Variants in PRG3 observed in about 807,000 individuals in gnomAD.
PRG3 encodes the protein proteoglycan 3.
In PRG3, 25 loss-of-function variants were observed where a neutral mutation model predicts 26.1. The ratio of observed to expected loss-of-function variants is 0.96; its 90% CI spans 0.70 to 1.34. The LOEUF is 1.34. Among genes scored for constraint, PRG3 ranks in the 40% most tolerant of loss-of-function variants. The pLI, the probability that PRG3 is intolerant of heterozygous loss-of-function variation, is 0.00. For synonymous variants in PRG3, 111 were observed against 100.4 expected (o/e 1.11, Z -0.63); for missense variants, 280 against 264.8 (o/e 1.06, Z -0.40).
At chr11:57,379,852 T>C (rs776340562) in intron 2 of PRG3, 45 bp from the exon 3 acceptor site, 2 of 1,533,024 alleles carry the variant, frequency 1.3e-6, no homozygotes, top group South Asian at 2.5e-5. Flanking sequence ...AGCTTCCTAG[T>C]TCCAGCACCG....
Position 57,376,776 on chromosome 11 carries a change from G to A in PRG3, c.*74C>T. The A allele has an allele frequency of 2.7e-6, 4 of 1,484,364 alleles. No individual in the cohort carries two copies. In the South Asian group the frequency reaches 3.4e-5, roughly 13 times the overall value. The allele number at this position is 1,484,364 out of a possible 1,614,324, so 91.9% of individuals were successfully genotyped here. The stretch of plus-strand genomic sequence containing the variant: ...GAAACGAGAGTCAGGAAATGCTGTG[G>A]GAAGTCTGGATTTATGAGCAGGAGA... On this transcript the variant is annotated 3_prime_UTR_variant, in exon 6 of 6. Coordinates refer to ENST00000287143, the MANE Select transcript of PRG3 (RefSeq NM_006093.4).
rs773395684 is a variant in PRG3, at chr11:57,379,629, C to T, written c.240G>A (p.Glu80=). 1.2e-6 allele frequency: 2 copies of T among 1,613,984 alleles called. No individual in the cohort carries two copies. The highest frequency in any genetic ancestry group is 2.2e-5 in the South Asian group (2 of 91,078). The change falls in exon 3 of 6, where the codon GAG becomes GAA. Residue 80 remains glutamate, a synonymous_variant. Transcript: ENST00000287143. The part of the protein sequence containing the change: ...QDNFEDEEAM[E]SDPAALDKDF... ...CCTTGTCTAAGGCAGCTGGGTCCGA[C>T]TCCATGGCTTCCTCATCCTCAAAGT...
chr11:57,377,356 G>C (rs1382616674), intron 5 of PRG3, among the ~76,000 whole-genome samples: 1 of 152,082 alleles, frequency 6.6e-6, no homozygotes, highest in Non-Finnish European at 1.5e-5. Flanking sequence ...TGTTGGAGGT[G>C]GGCATCTTGT....
chr11:57,380,135 C>T (rs1856984359), intron 2 of PRG3, among the ~76,000 whole-genome samples: 1 of 152,188 alleles, frequency 6.6e-6, no homozygotes, highest in Non-Finnish European at 1.5e-5. Context: ...GGTGCGGTGG[C>T]TCACGCCTGT....
chr11:57,378,932 T>C, intron 3 of PRG3, 120 bp from the exon 4 acceptor site: 1 of 1,139,808 alleles, frequency 8.8e-7, no homozygotes, highest in Non-Finnish European at 1.3e-6. Flanking sequence ...CCCTTAATCC[T>C]ATCTTTTGCT....
intron 5 of PRG3, 151 bp downstream of exon 5, chr11:57,377,574 A>G (rs1374465282): frequency 1.6e-6 from 1 of 632,844 alleles, no homozygotes; most frequent in Non-Finnish European, 2.7e-6. Context: ...AGGATTCCCT[A>G]TGTCTCAGCC....
At chr11:57,379,456 T>TC (rs1856976095) in intron 3 of PRG3, 38 bp downstream of exon 3, 2 of 1,531,392 alleles carry the variant, frequency 1.3e-6, no homozygotes, top group South Asian at 2.5e-5. Flanking sequence ...TACTCTCTTT[T>TC]CCCCCAGGTC....
chr11:57,376,811 A>T lies in PRG3; in HGVS notation c.*39T>A, dbSNP rs750133745. 5 of 1,603,026 alleles carry T rather than the reference A, an allele frequency of 3.1e-6. No individual in the cohort carries two copies. Among genetic ancestry groups the T allele is most frequent in the Admixed American group, 3.3e-5 (2 of 59,960 alleles). On this transcript the variant is annotated 3_prime_UTR_variant, in exon 6 of 6. Coordinates refer to ENST00000287143, the MANE Select transcript of PRG3 (RefSeq NM_006093.4). ...ATTTATGAGCAGGAGAGGTTGGGGG[A>T]CGGGAGGGAGCTGCTGGCAGGGTCT...
At chr11:57,379,386 G>T in intron 3 of PRG3, 108 bp downstream of exon 3, 1 of 1,123,770 alleles carries the variant, frequency 8.9e-7, no homozygotes, top group Non-Finnish European at 1.3e-6. Context: ...AGGTGATTCT[G>T]ATGCATGCGA....
In PRG3 at chr11:57,376,811, A is replaced by G. The variant is rs750133745; in HGVS notation, c.*39T>C. On this transcript the variant is annotated 3_prime_UTR_variant, in exon 6 of 6. Transcript: ENST00000287143. ...ATTTATGAGCAGGAGAGGTTGGGGG[A>G]CGGGAGGGAGCTGCTGGCAGGGTCT... The G allele has an allele frequency of 6.2e-7, 1 of 1,603,028 alleles. No individual in the cohort carries two copies. The highest frequency in any genetic ancestry group is 8.5e-7 in the Non-Finnish European group (1 of 1,171,876).
intron 5 of PRG3, among the ~76,000 whole-genome samples, chr11:57,377,140 C>T (rs1319513128): frequency 1.3e-5 from 2 of 152,312 alleles, no homozygotes; most frequent in East Asian, 3.9e-4. Context: ...TTAATCCTTA[C>T]CATGACTCCA....
intron 2 of PRG3, 119 bp from the exon 3 acceptor site, chr11:57,379,926 G>C: frequency 1.1e-6 from 1 of 949,086 alleles, no homozygotes; most frequent in Non-Finnish European, 1.5e-6. Context: ...AAGACTGGAG[G>C]ATTTCCTTGG....
At chr11:57,379,862 G>T in intron 2 of PRG3, 55 bp from the exon 3 acceptor site, 1 of 1,489,772 alleles carries the variant, frequency 6.7e-7, no homozygotes, top group South Asian at 1.3e-5. Context: ...TTCCAGCACC[G>T]TGGACAGCTC....
In PRG3 at chr11:57,380,773, G is replaced by T; in HGVS notation, c.-65C>A. 1 of 1,169,072 alleles carries T rather than the reference G, an allele frequency of 8.6e-7. No homozygotes were observed. The highest frequency in any genetic ancestry group is 1.2e-6 in the Non-Finnish European group (1 of 845,288). The allele number at this position is 1,169,072 out of a possible 1,614,324, so 72.4% of individuals were successfully genotyped here. A position where few individuals can be genotyped will look rare whatever the true frequency, so the allele number is the denominator to read the frequency against. On this transcript the variant is annotated 5_prime_UTR_variant, in exon 2 of 6. Coordinates refer to ENST00000287143, the MANE Select transcript of PRG3 (RefSeq NM_006093.4). ...TCTTGGGGCTGTCTTTGTGTGTCTA[G>T]TATAGCCCCTGGCACATAGTATAGA...
chr11:57,377,864 G>A (rs1458328597), intron 4 of PRG3, 28 bp from the exon 5 acceptor site: 4 of 1,582,624 alleles, frequency 2.5e-6, no homozygotes, highest in East Asian at 4.5e-5. Context: ...TAGGTCAGAG[G>A]GCAGAAGTTC....
Position 57,380,699 on chromosome 11 carries a change from G to A in PRG3, c.10C>T (p.Leu4Phe). ...AGCAGGAGAAAGGGCAGGAGCAAGA[G>A]GCATTGCATATCTACTGTCTTTTAG... is the stretch of plus-strand genomic sequence containing the variant. The part of the protein sequence containing the change: MQC[L>F]LLLPFLLLGT... The change falls in exon 2 of 6, where the codon CTC becomes TTC. Residue 4 changes from leucine to phenylalanine, a missense_variant. Physicochemically the swap from Leu to Phe is conservative, Grantham distance 22 (BLOSUM62 0). Coordinates refer to ENST00000287143, the MANE Select transcript of PRG3 (RefSeq NM_006093.4). 1 of 1,569,784 alleles carries A rather than the reference G, an allele frequency of 6.4e-7. No homozygotes were observed. The highest frequency in any genetic ancestry group is 1.2e-5 in the South Asian group (1 of 83,304).
At chr11:57,378,531 C>T (rs1856965288) in intron 4 of PRG3, 150 bp downstream of exon 4, 3 of 1,023,106 alleles carry the variant, frequency 2.9e-6, no homozygotes, top group Non-Finnish European at 4.3e-6. Context: ...ACCATCAGTT[C>T]TCCTGAGCCA....
At chr11:57,380,432 CAAA>C (rs1856988514) in intron 2 of PRG3, among the ~76,000 whole-genome samples, 22 of 145,282 alleles carry the variant, frequency 1.5e-4, no homozygotes, top group Non-Finnish European at 3.2e-4. Context: ...AAAAAAAAAA[CAAA>C]AACAACAACA....
intron 1 of PRG3, 64 bp downstream of exon 1, chr11:57,381,050 A>C: frequency 6.0e-6 from 1 of 167,958 alleles, no homozygotes. Context: ...TGTTTGCCCT[A>C]TGAGGTGCTG....
Sources: gnomAD v4.1 joint callset for allele counts (sites outside exome capture counted in the v4.1 genomes callset) on GRCh38, gnomAD v4.1.1 for gene constraint, MANE v1.5 for transcripts, NCBI Gene and HGNC (gene_info 2026-07-23, HGNC 2026-07-21) for gene names.